Variants in BCAT1 observed in about 807,000 individuals in gnomAD.
The protein encoded by BCAT1 is branched-chain-amino-acid aminotransferase, cytosolic.
BCAT1 carries 48 observed loss-of-function variants against 52.4 expected under a neutral mutation model. The observed-to-expected ratio is 0.92, with a 90% CI of 0.73 to 1.16. The LOEUF is 1.16. BCAT1 is among the 50% of genes most tolerant of loss of function. The pLI is 0.00. For synonymous variants in BCAT1, 167 were observed against 161.3 expected (o/e 1.04, Z -0.27); for missense variants, 451 against 457.1 (o/e 0.99, Z 0.12).
intron 1 of BCAT1, among the ~76,000 whole-genome samples, chr12:24,943,091 G>A (rs1476693612): frequency 1.3e-5 from 2 of 152,178 alleles, no homozygotes; most frequent in African/African-American, 4.8e-5. Flanking sequence ...TGTCTTCCAT[G>A]CTATATGCAC....
At chr12:24,860,645 A>C (rs1360201440) in intron 5 of BCAT1, among the ~76,000 whole-genome samples, 1 of 152,224 alleles carries the variant, frequency 6.6e-6, no homozygotes, top group Non-Finnish European at 1.5e-5. Context: ...TTTCAAATAT[A>C]AACAGATTGC....
chr12:24,860,395 C>CTT (rs34370749), intron 5 of BCAT1, among the ~76,000 whole-genome samples: 1 of 151,102 alleles, frequency 6.6e-6, no homozygotes, highest in South Asian at 2.1e-4. Flanking sequence ...GTCAAGAAAC[C>CTT]TTTTTTTTTG....
intron 3 of BCAT1, among the ~76,000 whole-genome samples, chr12:24,891,959 A>G (rs4963817): frequency 0.31 from 46,736 of 149,592 alleles, 8,559 homozygotes; most frequent in Non-Finnish European, 0.43. Context: ...GGGTTTCACC[A>G]TGTTAGCCAG....
rs570235810 is a variant in BCAT1 at position 24,943,900 on chromosome 12, C to T, written c.6+5027G>A. ...TCAGGAAGCTGAGGCAGGAGAATGGCGTGAACCCAGGAGGCGGAGCTTGCA... is the reference window on the plus strand; with the variant it reads ...TCAGGAAGCTGAGGCAGGAGAATGGTGTGAACCCAGGAGGCGGAGCTTGCA... On this transcript the variant is annotated intron_variant, in intron 1 of 10. Transcript: ENST00000261192. 2.8e-4 allele frequency among the ~76,000 whole-genome samples: 42 copies of T among 152,004 alleles called. 1 individual carries two copies. The South Asian group carries it at 7.9e-3, about 29-fold the overall frequency.
At chr12:24,871,162 G>T (rs890499329) in intron 5 of BCAT1, among the ~76,000 whole-genome samples, 1 of 152,208 alleles carries the variant, frequency 6.6e-6, no homozygotes, top group Non-Finnish European at 1.5e-5. Context: ...AAGGAGACCA[G>T]GCCATTCCCG....
intron 6 of BCAT1, among the ~76,000 whole-genome samples, chr12:24,843,806 G>A (rs898047498): frequency 6.6e-6 from 1 of 152,060 alleles, no homozygotes; most frequent in African/African-American, 2.4e-5. Flanking sequence ...TAAAGGGTGG[G>A]CATATAACCT....
intron 1 of BCAT1, among the ~76,000 whole-genome samples, chr12:24,908,405 G>A (rs778764356): frequency 2.0e-5 from 3 of 152,168 alleles, no homozygotes; most frequent in African/African-American, 7.2e-5. Flanking sequence ...TTGAGAAACC[G>A]AATTTTTAAT....
At chr12:24,857,654 A>C (rs1384685469) in intron 5 of BCAT1, among the ~76,000 whole-genome samples, 2 of 152,226 alleles carry the variant, frequency 1.3e-5, no homozygotes, top group Admixed American at 1.3e-4. Flanking sequence ...GAAAAAACTG[A>C]GGGAGCACCA....
chr12:24,835,094 G>C (rs1220143027), intron 8 of BCAT1, among the ~76,000 whole-genome samples: 1 of 152,172 alleles, frequency 6.6e-6, no homozygotes, highest in East Asian at 1.9e-4. Flanking sequence ...TTCTGTACTT[G>C]GTTGATATTT....
intron 10 of BCAT1, among the ~76,000 whole-genome samples, chr12:24,820,866 C>T (rs889701187): frequency 6.6e-6 from 1 of 152,100 alleles, no homozygotes; most frequent in African/African-American, 2.4e-5. Flanking sequence ...AAAACAAAAG[C>T]ACAACCTGCA....
rs535129492 is a variant in BCAT1, at chr12:24,850,656, C to T, written c.511-707G>A. 5.3e-5 allele frequency among the ~76,000 whole-genome samples: 8 copies of T among 152,290 alleles called. No homozygotes were observed. In the East Asian group the frequency reaches 1.2e-3, roughly 22 times the overall value. On this transcript the variant is annotated intron_variant, in intron 5 of 10. Transcript: ENST00000261192. Reference sequence around the variant, plus strand: ...AATTACTGAGTTTTGGCCAATCAAACGTGGCCAACTGTTCAAACCATGTTC... The same window carrying T: ...AATTACTGAGTTTTGGCCAATCAAATGTGGCCAACTGTTCAAACCATGTTC...
At chr12:24,871,815 A>G (rs1328880643) in intron 5 of BCAT1, among the ~76,000 whole-genome samples, 1 of 152,248 alleles carries the variant, frequency 6.6e-6, no homozygotes, top group Non-Finnish European at 1.5e-5. Flanking sequence ...TAAGCTGATT[A>G]TAACAGGCTA....
At chr12:24,946,831 G>A (rs1213395403) in intron 1 of BCAT1, among the ~76,000 whole-genome samples, 2 of 152,022 alleles carry the variant, frequency 1.3e-5, no homozygotes, top group African/African-American at 4.8e-5. Context: ...TTCATAATAA[G>A]GTTTTAAACT....
chr12:24,828,732 A>T (rs191819775), intron 10 of BCAT1, among the ~76,000 whole-genome samples: 57 of 152,314 alleles, frequency 3.7e-4, no homozygotes, highest in African/African-American at 1.3e-3. Context: ...CTGGCTGGGC[A>T]TGGTGGCTCA....
intron 5 of BCAT1, among the ~76,000 whole-genome samples, chr12:24,878,232 G>A (rs1234593724): frequency 1.3e-5 from 2 of 151,566 alleles, no homozygotes; most frequent in Non-Finnish European, 2.9e-5. Context: ...CTTAATAAAC[G>A]TCTTAGTATT....
At chr12:24,905,413 C>A (rs901126053) in intron 1 of BCAT1, among the ~76,000 whole-genome samples, 10 of 152,100 alleles carry the variant, frequency 6.6e-5, no homozygotes, top group Non-Finnish European at 1.3e-4. Context: ...TTAATTGAAC[C>A]CTGACCTTCA....
intron 1 of BCAT1, among the ~76,000 whole-genome samples, chr12:24,926,832 G>A (rs944868754): frequency 6.6e-6 from 1 of 152,130 alleles, no homozygotes; most frequent in Admixed American, 6.5e-5. Context: ...GAAGGCCGCA[G>A]GGTCCTCTGC....
intron 4 of BCAT1, 133 bp downstream of exon 4, chr12:24,881,168 C>T (rs1942481675): frequency 1.5e-6 from 1 of 663,904 alleles, no homozygotes; most frequent in East Asian, 2.9e-5. Flanking sequence ...TAAAGTAGAT[C>T]AGAAATAATG....
At position 24,816,538 on chromosome 12, in the gene BCAT1, G is replaced by A. The variant is rs1041221334; in HGVS notation, c.*1470C>T. 3 of 393,546 alleles carry A rather than the reference G, an allele frequency of 7.6e-6. No homozygotes were observed. Among genetic ancestry groups the A allele is most frequent in the African/African-American group, 6.4e-5 (3 of 47,138 alleles). The allele number at this position is 393,546 out of a possible 1,614,324, so 24.4% of individuals were successfully genotyped here. On this transcript the variant is annotated 3_prime_UTR_variant, in exon 11 of 11. Coordinates refer to ENST00000261192, the MANE Select transcript of BCAT1 (RefSeq NM_005504.7). ...ATCAAATCTCCATTCAAAGAAAAGA[G>A]CACCTGCAAAAACAGAGTATAAAAA...
Sources: allele counts gnomAD v4.1 joint callset (sites outside exome capture counted in the v4.1 genomes callset), GRCh38; gene constraint gnomAD v4.1.1; transcripts MANE v1.5; gene names NCBI Gene and HGNC (gene_info 2026-07-23, HGNC 2026-07-21).